The following TYW3 variants were observed in gnomAD, a reference collection of about 807,000 sequenced individuals.
The protein encoded by TYW3 is tRNA-yW synthesizing protein 3 homolog.
In TYW3, 26 loss-of-function variants were observed where a neutral mutation model predicts 23.1. That is an observed-to-expected ratio of 1.13 (90% CI 0.83 to 1.56). TYW3 has a LOEUF of 1.56. TYW3 is among the 40% of genes most tolerant of loss of function. The probability of loss-of-function intolerance (pLI) is 0.00; values close to 1 mark genes in which losing one functional copy is unlikely to be tolerated. For synonymous variants in TYW3, 102 were observed against 105.7 expected (o/e 0.97, Z 0.21); for missense variants, 316 against 311.9 (o/e 1.01, Z -0.10).
chr1:74,741,980 G>A (rs1270100331), intron 3 of TYW3, among the ~76,000 whole-genome samples: 1 of 152,198 alleles, frequency 6.6e-6, no homozygotes, highest in Non-Finnish European at 1.5e-5. Context: ...GATCATTGTT[G>A]CTCTGTAAGC....
intron 2 of TYW3, 109 bp from the exon 3 acceptor site, chr1:74,738,581 C>A: frequency 1.6e-6 from 1 of 607,022 alleles, no homozygotes; most frequent in Non-Finnish European, 2.6e-6. Flanking sequence ...AAAAAATATG[C>A]TGAGTGATTC....
intron 5 of TYW3, among the ~76,000 whole-genome samples, chr1:74,763,565 A>T (rs1649199589): frequency 6.6e-6 from 1 of 152,074 alleles, no homozygotes; most frequent in Non-Finnish European, 1.5e-5. Context: ...GTAACCTCAC[A>T]CATTATACAA....
In TYW3 at chr1:74,738,237, G is replaced by A. The variant is rs568743329; in HGVS notation, c.256-453G>A. On this transcript the variant is annotated intron_variant, in intron 2 of 5. Coordinates refer to ENST00000370867, the MANE Select transcript of TYW3 (RefSeq NM_138467.3). ...CACTGCTATTTGTGAGCTTACTAGTGCTGCTGGTAAGCACTGGTGCTTGGT... is the reference window on the plus strand; with the variant it reads ...CACTGCTATTTGTGAGCTTACTAGTACTGCTGGTAAGCACTGGTGCTTGGT... Among the ~76,000 whole-genome samples, 6 of 152,326 alleles carry A rather than the reference G, an allele frequency of 3.9e-5. No individual in the cohort carries two copies. The South Asian group carries it at 6.2e-4, about 16-fold the overall frequency.
At chr1:74,740,839 A>G (rs191631308) in intron 3 of TYW3, among the ~76,000 whole-genome samples, 2 of 152,346 alleles carry the variant, frequency 1.3e-5, no homozygotes, top group Admixed American at 6.5e-5. Context: ...TGATTGGTGC[A>G]TTTGCAGTCC....
In TYW3 at chr1:74,764,213, A is replaced by G. The variant is rs1013495311; in HGVS notation, c.*100A>G. The G allele has an allele frequency of 5.8e-6, 6 of 1,043,174 alleles. No individual in the cohort carries two copies. The highest frequency in any genetic ancestry group is 4.8e-5 in the South Asian group (3 of 61,964). The allele number at this position is 1,043,174 out of a possible 1,614,324, so 64.6% of individuals were successfully genotyped here. On this transcript the variant is annotated 3_prime_UTR_variant, in exon 6 of 6. Transcript: ENST00000370867. ...AGTTTGTTGAGTGTATCAGCCATTCATAAGCCAGTAATGACAAGTGCAGAG... is the reference window on the plus strand; with the variant it reads ...AGTTTGTTGAGTGTATCAGCCATTCGTAAGCCAGTAATGACAAGTGCAGAG...
rs1447268500 is a variant in TYW3, at chr1:74,733,223, G to T, written c.-22G>T. 1.9e-6 allele frequency: 3 copies of T among 1,612,342 alleles called. No homozygotes were observed. On this transcript the variant is annotated 5_prime_UTR_variant, in exon 1 of 6. Transcript: ENST00000370867. ...CGAGGCTACCATGAAGGAGCCGAGC[G>T]CAGACCCTGAGTCCGTCACCCATGG...
chr1:74,738,391 T>C (rs1379614373), intron 2 of TYW3, among the ~76,000 whole-genome samples: 2 of 152,214 alleles, frequency 1.3e-5, no homozygotes, highest in Non-Finnish European at 2.9e-5. Flanking sequence ...GTATACTACA[T>C]TTCCTAATGA....
At chr1:74,763,541 G>A (rs2100780808) in intron 5 of TYW3, among the ~76,000 whole-genome samples, 1 of 152,152 alleles carries the variant, frequency 6.6e-6, no homozygotes, top group South Asian at 2.1e-4. Context: ...GTTATGTAGA[G>A]GTGATCTGTA....
intron 3 of TYW3, among the ~76,000 whole-genome samples, chr1:74,747,853 ATATG>A (rs1372578262): frequency 2.7e-5 from 4 of 149,794 alleles, no homozygotes; most frequent in East Asian, 1.9e-4. Context: ...GTGTATACAC[ATATG>A]TATGTATACA....
rs191354205 is a variant in TYW3 at position 74,766,492 on chromosome 1, T to C, written c.*2379T>C. 2 of 152,012 alleles carry C rather than the reference T, an allele frequency of 1.3e-5. No homozygotes were observed. The highest frequency in any genetic ancestry group is 6.6e-5 in the Admixed American group (1 of 15,260). 9.4% of individuals were successfully genotyped at this position (152,012 alleles called of 1,614,324 possible). A position where few individuals can be genotyped will look rare whatever the true frequency, so the allele number is the denominator to read the frequency against. ...GTTTTTCACAAAAAGGTTTTTCCAA[T>C]GTTAAAAAAAATATATAAAAAAGCT... On this transcript the variant is annotated 3_prime_UTR_variant, in exon 6 of 6. Coordinates refer to ENST00000370867, the MANE Select transcript of TYW3 (RefSeq NM_138467.3).
intron 3 of TYW3, among the ~76,000 whole-genome samples, chr1:74,742,687 C>T (rs935747468): frequency 6.6e-6 from 1 of 152,316 alleles, no homozygotes; most frequent in Admixed American, 6.5e-5. Context: ...GTAGTAACTC[C>T]ATAATTTCCT....
At chr1:74,749,849 A>G (rs1310500853) in intron 4 of TYW3, among the ~76,000 whole-genome samples, 2 of 152,130 alleles carry the variant, frequency 1.3e-5, no homozygotes, top group Admixed American at 1.3e-4. Flanking sequence ...CCAGCTACTC[A>G]GGAGGCTGAG....
Position 74,733,152 on chromosome 1 carries a change from C to G in TYW3, c.-93C>G. On this transcript the variant is annotated 5_prime_UTR_variant, in exon 1 of 6. Coordinates refer to ENST00000370867, the MANE Select transcript of TYW3 (RefSeq NM_138467.3). ...TTAAGAACGAAGAGGAAGTTTGGAC[C>G]TTTTCGGCCACCGCTCGCTTCAATA... 6.7e-7 allele frequency: 1 copy of G among 1,489,894 alleles called. No homozygotes were observed. Among genetic ancestry groups the G allele is most frequent in the Non-Finnish European group, 9.0e-7 (1 of 1,115,904 alleles). The allele number at this position is 1,489,894 out of a possible 1,614,324, so 92.3% of individuals were successfully genotyped here. A position where few individuals can be genotyped will look rare whatever the true frequency, so the allele number is the denominator to read the frequency against.
At chr1:74,738,478 A>G (rs1648230012) in intron 2 of TYW3, among the ~76,000 whole-genome samples, 1 of 152,254 alleles carries the variant, frequency 6.6e-6, no homozygotes, top group Admixed American at 6.5e-5. Context: ...AATGGTATAG[A>G]AGATTTACGG....
At position 74,733,457 on chromosome 1, in the gene TYW3, G is replaced by A. The variant is rs376038283; in HGVS notation, c.174+39G>A. 6.1e-5 allele frequency: 98 copies of A among 1,609,564 alleles called. No individual in the cohort carries two copies. The African/African-American group carries it at 1.3e-3, about 21-fold the overall frequency. ...GCGCCTGTCCATCGCCTGCCTTCTA[G>A]TGCGAAACTTCAGGAGCCCTGTTCC... On this transcript the variant is annotated intron_variant, in intron 1 of 5. Transcript: ENST00000370867.
At chr1:74,742,163 G>A (rs962626330) in intron 3 of TYW3, among the ~76,000 whole-genome samples, 1 of 152,182 alleles carries the variant, frequency 6.6e-6, no homozygotes, top group African/African-American at 2.4e-5. Context: ...CTAATTGCCA[G>A]TCCTCTCTGG....
intron 4 of TYW3, among the ~76,000 whole-genome samples, chr1:74,749,882 G>A (rs1648716573): frequency 6.6e-6 from 1 of 152,156 alleles, no homozygotes; most frequent in South Asian, 2.1e-4. Context: ...CTTGAACCCA[G>A]GAGGTGGAAG....
chr1:74,743,068 G>C (rs528408887), intron 3 of TYW3, among the ~76,000 whole-genome samples: 32 of 152,280 alleles, frequency 2.1e-4, no homozygotes, highest in African/African-American at 6.7e-4. Flanking sequence ...GGGGGCTTCT[G>C]GCTCAGAGAA....
intron 3 of TYW3, among the ~76,000 whole-genome samples, chr1:74,740,014 G>A (rs1419274733): frequency 6.6e-6 from 1 of 152,202 alleles, no homozygotes; most frequent in Non-Finnish European, 1.5e-5. Context: ...TATCCAGATG[G>A]GGTGTGCTGA....
Sources: allele counts gnomAD v4.1 joint callset (sites outside exome capture counted in the v4.1 genomes callset), GRCh38; gene constraint gnomAD v4.1.1; transcripts MANE v1.5; gene names NCBI Gene and HGNC (gene_info 2026-07-23, HGNC 2026-07-21).